The following FGF12 variants were observed in gnomAD, a reference collection of about 807,000 sequenced individuals.
The protein encoded by FGF12 is fibroblast growth factor 12, also known as fibroblast growth factor 12B.
A neutral mutation model predicts 23.6 loss-of-function variants in FGF12; 14 were observed. The observed-to-expected ratio is 0.59, with a 90% CI of 0.39 to 0.93. The LOEUF (loss-of-function observed/expected upper bound fraction) is 0.93, where lower values mean the gene tolerates loss of function less well. Among genes scored for constraint, FGF12 ranks in the 40% least tolerant of loss-of-function variants. The pLI, the probability that FGF12 is intolerant of heterozygous loss-of-function variation, is 0.00. For missense variants in FGF12, 175 were observed against 217.8 expected (o/e 0.80, Z 1.24); for synonymous variants, 62 against 77.3 (o/e 0.80, Z 1.04).
At chr3:192,466,190 A>G (rs1165858617) in intron 2 of FGF12, among the ~76,000 whole-genome samples, 1 of 152,154 alleles carries the variant, frequency 6.6e-6, no homozygotes, top group Non-Finnish European at 1.5e-5. Context: ...GTATCTAAAC[A>G]TATCTAAACA....
intron 2 of FGF12, among the ~76,000 whole-genome samples, chr3:192,596,381 A>G (rs1461972715): frequency 6.6e-6 from 1 of 151,990 alleles, no homozygotes; most frequent in Non-Finnish European, 1.5e-5. Flanking sequence ...AATGCTATGG[A>G]CCTGGCAAAC....
chr3:192,424,047 A>C (rs955760331), intron 2 of FGF12, among the ~76,000 whole-genome samples: 2 of 151,770 alleles, frequency 1.3e-5, no homozygotes, highest in Admixed American at 1.3e-4. Flanking sequence ...GCCCTCTTTA[A>C]ATTTGTTTCA....
In FGF12 at chr3:192,247,051, AGG is replaced by A. The variant is rs1349916880; in HGVS notation, c.229-76397_229-76396del. Among the ~76,000 whole-genome samples, 6 of 91,068 alleles carry A rather than the reference AGG, an allele frequency of 6.6e-5. No individual in the cohort carries two copies. In the South Asian group the frequency reaches 2.7e-3, roughly 42 times the overall value. The allele number at this position is 91,068 out of a possible 152,430, so 59.7% of individuals were successfully genotyped here. A position where few individuals can be genotyped will look rare whatever the true frequency, so the allele number is the denominator to read the frequency against. Reference sequence around the variant, plus strand: ...AAGGAAAGAAGGAAGGAAGGAAGGAAGGAAGGAAGGAAGGAAGGAAGGAAGGA... The same window carrying A: ...AAGGAAAGAAGGAAGGAAGGAAGGAAAAGGAAGGAAGGAAGGAAGGAAGGA... On this transcript the variant is annotated intron_variant, in intron 4 of 5. Transcript: ENST00000445105.
intron 4 of FGF12, among the ~76,000 whole-genome samples, chr3:192,222,642 G>A (rs11916989): frequency 0.01 from 1,583 of 152,162 alleles, 29 homozygotes; most frequent in African/African-American, 0.037. Context: ...GAAACAGGCT[G>A]TATCAATACA....
At chr3:192,470,297 G>T (rs1015761167) in intron 2 of FGF12, among the ~76,000 whole-genome samples, 1 of 152,198 alleles carries the variant, frequency 6.6e-6, no homozygotes, top group Non-Finnish European at 1.5e-5. Context: ...CGACATGCGA[G>T]AACAATCTAA....
At chr3:192,273,808 C>A (rs1713602148) in intron 4 of FGF12, among the ~76,000 whole-genome samples, 1 of 151,966 alleles carries the variant, frequency 6.6e-6, no homozygotes, top group Admixed American at 6.6e-5. Context: ...CTTGAGACAG[C>A]AAGCTGAGGA....
chr3:192,687,045 G>T (rs1369278368), intron 2 of FGF12, among the ~76,000 whole-genome samples: 1 of 150,834 alleles, frequency 6.6e-6, no homozygotes, highest in African/African-American at 2.4e-5. Flanking sequence ...TAGCCAGGAT[G>T]GTCTCCATCT....
intron 2 of FGF12, among the ~76,000 whole-genome samples, chr3:192,436,833 G>A (rs930242879): frequency 6.6e-6 from 1 of 152,156 alleles, no homozygotes; most frequent in African/African-American, 2.4e-5. Context: ...CTGACTATAC[G>A]CAAACTGCTG....
chr3:192,580,264 C>A (rs1241231622), intron 2 of FGF12, among the ~76,000 whole-genome samples: 1 of 152,000 alleles, frequency 6.6e-6, no homozygotes, highest in Non-Finnish European at 1.5e-5. Context: ...AAGGTGACAG[C>A]CAATGTGCGG....
chr3:192,698,910 C>T (rs1718210210), intron 2 of FGF12, among the ~76,000 whole-genome samples: 1 of 152,070 alleles, frequency 6.6e-6, no homozygotes. Context: ...GAGTGCTCAT[C>T]ACATTGTTCA....
intron 2 of FGF12, among the ~76,000 whole-genome samples, chr3:192,504,560 G>A (rs553214710): frequency 2.2e-4 from 33 of 152,170 alleles, no homozygotes; most frequent in Admixed American, 3.9e-4. Flanking sequence ...TGGTGAGATC[G>A]GGGGGAAATT....
rs1056763467 is a variant in FGF12, at chr3:192,371,173, T to C, written c.14-10635A>G. ...CCACAAGACACTTCAAACATGAAGA[T>C]AATCCTAAAATCTTAAGATTTCAGA... On this transcript the variant is annotated intron_variant, in intron 2 of 5. Transcript: ENST00000445105. Among the ~76,000 whole-genome samples the C allele has an allele frequency of 2.0e-5, 3 of 152,286 alleles. No individual in the cohort carries two copies. The South Asian group carries it at 6.2e-4, about 32-fold the overall frequency.
intron 2 of FGF12, among the ~76,000 whole-genome samples, chr3:192,522,215 A>G (rs1724838559): frequency 6.6e-6 from 1 of 151,770 alleles, no homozygotes; most frequent in Non-Finnish European, 1.5e-5. Flanking sequence ...AAAAAAACAA[A>G]AAAAAACGGG....
At chr3:192,339,644 C>T (rs1185599507) in intron 3 of FGF12, among the ~76,000 whole-genome samples, 1 of 152,142 alleles carries the variant, frequency 6.6e-6, no homozygotes, top group East Asian at 1.9e-4. Context: ...ATTTGGCCAA[C>T]TCTTTTCATC....
intron 4 of FGF12, among the ~76,000 whole-genome samples, chr3:192,333,505 C>A (rs1236725095): frequency 6.6e-6 from 1 of 151,840 alleles, no homozygotes; most frequent in Non-Finnish European, 1.5e-5. Context: ...ACTAAGAGAG[C>A]CCATTATTTT....
intron 2 of FGF12, among the ~76,000 whole-genome samples, chr3:192,362,940 G>A (rs1036459473): frequency 2.6e-5 from 4 of 151,994 alleles, no homozygotes; most frequent in African/African-American, 9.7e-5. Context: ...GGAGGAAGAG[G>A]GCAACTGTCT....
At chr3:192,665,920 T>C in intron 2 of FGF12, among the ~76,000 whole-genome samples, 1 of 152,232 alleles carries the variant, frequency 6.6e-6, no homozygotes, top group East Asian at 1.9e-4. Flanking sequence ...ATGGTGAAAT[T>C]GAATTGATTC....
At chr3:192,247,043 AGG>A (rs879780553) in intron 4 of FGF12, among the ~76,000 whole-genome samples, 3,225 of 38,534 alleles carry the variant, frequency 0.084, 255 homozygotes, top group East Asian at 0.44. Flanking sequence ...GAAGGAAGGA[AGG>A]AAGGAAGGAA....
intron 2 of FGF12, among the ~76,000 whole-genome samples, chr3:192,567,783 T>G (rs187997772): frequency 1.5e-5 from 2 of 135,466 alleles, no homozygotes; most frequent in East Asian, 4.0e-4. Flanking sequence ...CTTTCTTTCT[T>G]TCTTTCTTTC....
Sources: gnomAD v4.1 joint callset for allele counts (sites outside exome capture counted in the v4.1 genomes callset) on GRCh38, gnomAD v4.1.1 for gene constraint, MANE v1.5 for transcripts, NCBI Gene and HGNC (gene_info 2026-07-23, HGNC 2026-07-21) for gene names.